The following SORCS3 variants were observed in gnomAD, a reference collection of about 807,000 sequenced individuals.
The protein encoded by SORCS3 is VPS10 domain-containing receptor SorCS3.
Under a neutral mutation model 146.3 loss-of-function variants are expected in SORCS3, and 57 were observed. The observed-to-expected ratio is 0.39, with a 90% confidence interval of 0.31 to 0.49. SORCS3 has a LOEUF of 0.49. Ranked by LOEUF, SORCS3 falls within the 20% of genes least tolerant of loss-of-function variation. The pLI is 0.92. For missense variants in SORCS3, 1,341 were observed against 1,575.5 expected (o/e 0.85, Z 2.52); for synonymous variants, 653 against 618.5 (o/e 1.06, Z -0.83).
At chr10:104,809,762 T>C (rs1402642523) in intron 1 of SORCS3, among the ~76,000 whole-genome samples, 1 of 152,332 alleles carries the variant, frequency 6.6e-6, no homozygotes, top group Admixed American at 6.5e-5. Context: ...CATTATTTTG[T>C]CGTCTGTTGT....
intron 6 of SORCS3, among the ~76,000 whole-genome samples, chr10:105,091,969 T>G (rs1168336404): frequency 6.6e-6 from 1 of 152,188 alleles, no homozygotes; most frequent in African/African-American, 2.4e-5. Flanking sequence ...ATTTCAGAGT[T>G]GGAGGATGGT....
intron 1 of SORCS3, among the ~76,000 whole-genome samples, chr10:104,762,713 G>C (rs1344997157): frequency 6.6e-6 from 1 of 152,100 alleles, no homozygotes; most frequent in Non-Finnish European, 1.5e-5. Flanking sequence ...TTAAAAGTGT[G>C]GCACTTCCCC....
intron 1 of SORCS3, among the ~76,000 whole-genome samples, chr10:104,720,905 A>C (rs1321644944): frequency 6.6e-6 from 1 of 151,790 alleles, no homozygotes; most frequent in African/African-American, 2.4e-5. Context: ...GATTGCAAAA[A>C]TTTTCTCCCA....
intron 2 of SORCS3, among the ~76,000 whole-genome samples, chr10:104,843,333 A>G (rs1438440854): frequency 6.6e-6 from 1 of 152,178 alleles, no homozygotes; most frequent in Non-Finnish European, 1.5e-5. Flanking sequence ...ACAAGTCTGC[A>G]TGATGATGTT....
chr10:105,042,552 T>C (rs2055344640), intron 4 of SORCS3, among the ~76,000 whole-genome samples: 1 of 151,990 alleles, frequency 6.6e-6, no homozygotes, highest in Non-Finnish European at 1.5e-5. Flanking sequence ...TAAGTGAACA[T>C]GGAATAATAA....
chr10:104,684,236 G>A (rs1197061718), intron 1 of SORCS3, among the ~76,000 whole-genome samples: 1 of 152,190 alleles, frequency 6.6e-6, no homozygotes, highest in Non-Finnish European at 1.5e-5. Context: ...CCACCTTATA[G>A]GGTGGCTGCG....
chr10:104,848,717 A>T (rs548028717), intron 2 of SORCS3, among the ~76,000 whole-genome samples: 1 of 152,016 alleles, frequency 6.6e-6, no homozygotes, highest in African/African-American at 2.4e-5. Context: ...TCTGGTGGAA[A>T]CTCCTGAATG....
At chr10:105,146,992 A>G (rs1012355918) in intron 8 of SORCS3, among the ~76,000 whole-genome samples, 13 of 152,078 alleles carry the variant, frequency 8.5e-5, no homozygotes, top group Admixed American at 7.9e-4. Context: ...CCTTTTCTCT[A>G]TATCAGTGAT....
chr10:104,827,389 TTAA>T (rs1433048600), intron 1 of SORCS3, among the ~76,000 whole-genome samples: 2 of 152,186 alleles, frequency 1.3e-5, no homozygotes, highest in Non-Finnish European at 2.9e-5. Context: ...AAAAACAACA[TTAA>T]TATCTTTGTA....
chr10:104,665,969 C>T, intron 1 of SORCS3: 1 of 152,166 alleles, frequency 6.6e-6, no homozygotes, highest in East Asian at 1.9e-4. Flanking sequence ...CTTGGGTTTT[C>T]CTACACCAAA....
At chr10:104,957,029 C>T (rs1362059145) in intron 3 of SORCS3, among the ~76,000 whole-genome samples, 1 of 152,144 alleles carries the variant, frequency 6.6e-6, no homozygotes, top group Non-Finnish European at 1.5e-5. Flanking sequence ...CTCTTGTCCA[C>T]CTTCTCTGGA....
intron 17 of SORCS3, among the ~76,000 whole-genome samples, chr10:105,212,674 C>T (rs1006563453): frequency 6.6e-6 from 1 of 152,000 alleles, no homozygotes; most frequent in African/African-American, 2.4e-5. Context: ...AGATGTCTAC[C>T]AATACCTCCA....
chr10:104,888,916 A>G (rs2018720187), intron 2 of SORCS3, among the ~76,000 whole-genome samples: 1 of 152,184 alleles, frequency 6.6e-6, no homozygotes, highest in Non-Finnish European at 1.5e-5. Context: ...TAAAATTATT[A>G]CCGTTGAATA....
intron 9 of SORCS3, among the ~76,000 whole-genome samples, chr10:105,148,060 T>C (rs545597468): frequency 3.9e-5 from 6 of 152,242 alleles, no homozygotes; most frequent in South Asian, 2.1e-4. Context: ...AGTATTCTTG[T>C]ATGTATAAAC....
At chr10:105,163,365 G>A (rs1416907011) in intron 11 of SORCS3, among the ~76,000 whole-genome samples, 1 of 152,190 alleles carries the variant, frequency 6.6e-6, no homozygotes, top group Non-Finnish European at 1.5e-5. Flanking sequence ...ATATCAGCCA[G>A]TAAGATAAAC....
At chr10:104,913,049 G>C (rs2018985681) in intron 2 of SORCS3, among the ~76,000 whole-genome samples, 1 of 152,190 alleles carries the variant, frequency 6.6e-6, no homozygotes, top group Non-Finnish European at 1.5e-5. Flanking sequence ...CGAGGCTGGA[G>C]AGAAAGGGCC....
Position 104,641,611 on chromosome 10 carries a change from G to A in SORCS3, c.284G>A (p.Gly95Asp). Reference protein sequence around the residue: ...AGPELLPQQGGGRGGEMQVEA... With the variant: ...AGPELLPQQGDGRGGEMQVEA... ...CCAGAGCTGCTGCCCCAGCAGGGCG[G>A]CGGCAGAGGCGGTGAGATGCAGGTG... is the stretch of plus-strand genomic sequence containing the variant. The change falls in exon 1 of 27, where the codon GGC (glycine) becomes GAC (aspartate). Residue 95 changes from glycine to aspartate, a missense_variant. Coordinates refer to ENST00000369701, the MANE Select transcript of SORCS3 (RefSeq NM_014978.3). The surrounding 1 kb of genome is among the most constrained non-coding windows in gnomAD (Gnocchi z 6.4). 2 of 1,517,974 alleles carry A rather than the reference G, an allele frequency of 1.3e-6. No homozygotes were observed. Among genetic ancestry groups the A allele is most frequent in the Non-Finnish European group, 8.8e-7 (1 of 1,139,618 alleles). 94.0% of individuals were successfully genotyped at this position (1,517,974 alleles called of 1,614,324 possible). A position where few individuals can be genotyped will look rare whatever the true frequency, so the allele number is the denominator to read the frequency against.
intron 4 of SORCS3, among the ~76,000 whole-genome samples, chr10:105,030,986 T>G (rs2055262605): frequency 6.6e-6 from 1 of 151,588 alleles, no homozygotes; most frequent in Admixed American, 6.6e-5. Context: ...TCCACAACAT[T>G]CAAGTACCTT....
At chr10:105,073,912 C>A (rs1390642160) in intron 5 of SORCS3, among the ~76,000 whole-genome samples, 1 of 152,076 alleles carries the variant, frequency 6.6e-6, no homozygotes, top group African/African-American at 2.4e-5. Flanking sequence ...GTGTAACTGT[C>A]CGAGAAGCCA....
Sources: allele counts gnomAD v4.1 joint callset (sites outside exome capture counted in the v4.1 genomes callset), GRCh38; gene constraint gnomAD v4.1.1; non-coding constraint Gnocchi (gnomAD v3.1); transcripts MANE v1.5; gene names NCBI Gene and HGNC (gene_info 2026-07-23, HGNC 2026-07-21).